Variants in FBLN1 observed in about 807,000 individuals in gnomAD.
FBLN1 encodes fibulin-1.
FBLN1 carries 34 observed loss-of-function variants against 89.7 expected under a neutral mutation model. That is an observed-to-expected ratio of 0.38 (90% confidence interval 0.29 to 0.50). FBLN1 has a LOEUF of 0.50. FBLN1 is among the 20% of genes least tolerant of loss of function. The probability of loss-of-function intolerance (pLI) is 0.92; values close to 1 mark genes in which losing one functional copy is unlikely to be tolerated. For synonymous variants in FBLN1, 393 were observed against 391.3 expected, an observed-to-expected ratio of 1.00 and a Z score of -0.05; for missense variants, 777 against 988.1, an observed-to-expected ratio of 0.79 and a Z score of 2.86.
Position 45,600,324 on chromosome 22 carries a change from CGGCCCATCGTG to C in FBLN1, c.1998_2008del (p.Val667SerfsTer30), listed in dbSNP as rs755261986. ...CTCCGCAGGTGTCGTGCGCCAGGTG[CGGCCCATCGTG>C]GGCCCATTTCATGCCGTCCTGAAGC... On this transcript the variant is annotated frameshift_variant, in exon 17 of 17. Transcript: ENST00000327858. LOFTEE classifies it high-confidence loss of function. 6.2e-6 allele frequency: 10 copies of C among 1,614,092 alleles called. No individual in the cohort carries two copies. Among genetic ancestry groups the C allele is most frequent in the African/African-American group, 4.0e-5 (3 of 74,940 alleles).
intron 16 of FBLN1, among the ~76,000 whole-genome samples, chr22:45,595,547 G>A (rs1471362471): frequency 1.1e-4 from 16 of 149,978 alleles, no homozygotes; most frequent in Non-Finnish European, 1.5e-5. Context: ...TCACCACGCA[G>A]CTGTTTACAA....
chr22:45,523,877 T>A (rs1569238644), intron 2 of FBLN1, among the ~76,000 whole-genome samples: 1 of 152,212 alleles, frequency 6.6e-6, no homozygotes, highest in Non-Finnish European at 1.5e-5. Context: ...CCACGGCAGC[T>A]GCACCCTTTT....
rs746955249 is a variant in FBLN1, at chr22:45,531,372, G to A, written c.544+48G>A. 3.2e-6 allele frequency: 5 copies of A among 1,555,964 alleles called. No individual in the cohort carries two copies. The South Asian group carries it at 5.6e-5, about 17-fold the overall frequency. ...CAGTTGGTATTTAAACAAACCCCAA[G>A]GGGCCAGCAAGGTGGCTCAGGCCTG... On this transcript the variant is annotated intron_variant, in intron 5 of 16. Transcript: ENST00000327858. The surrounding 1 kb of genome is among the most constrained non-coding windows in gnomAD (Gnocchi z 4.9).
chr22:45,589,529 C>T (rs1177879991), intron 16 of FBLN1, among the ~76,000 whole-genome samples: 12 of 152,248 alleles, frequency 7.9e-5, no homozygotes, highest in Admixed American at 7.8e-4. Context: ...GGCCTTGCTC[C>T]AGCCTGGGGG....
chr22:45,585,261 T>A (rs565902426), intron 16 of FBLN1, among the ~76,000 whole-genome samples: 5 of 152,288 alleles, frequency 3.3e-5, no homozygotes, highest in Non-Finnish European at 5.9e-5. Flanking sequence ...TACAAGGGCT[T>A]GTGAATGGAG....
intron 16 of FBLN1, among the ~76,000 whole-genome samples, chr22:45,591,169 C>G (rs1263013485): frequency 2.0e-5 from 3 of 152,192 alleles, no homozygotes; most frequent in Non-Finnish European, 4.4e-5. Flanking sequence ...GGTCTGGGCT[C>G]CAGTTCTGGT....
chr22:45,592,993 A>T (rs894383726), intron 16 of FBLN1, among the ~76,000 whole-genome samples: 1 of 152,120 alleles, frequency 6.6e-6, no homozygotes, highest in African/African-American at 2.4e-5. Context: ...TGTCAGCTAG[A>T]ATCACAAGCC....
chr22:45,585,832 G>A (rs1234504029), intron 16 of FBLN1, among the ~76,000 whole-genome samples: 1 of 152,134 alleles, frequency 6.6e-6, no homozygotes, highest in African/African-American at 2.4e-5. Context: ...GGCAGAGATG[G>A]GCTCTGAGGC....
rs1413351476 is a variant in FBLN1 at position 45,581,652 on chromosome 22, G to GT, written c.1972+4550dup. On this transcript the variant is annotated intron_variant, in intron 16 of 16. Coordinates refer to ENST00000327858, the MANE Select transcript of FBLN1 (RefSeq NM_006486.3). This position sits in a 1 kb window ranked among gnomAD's most constrained non-coding sequence, Gnocchi z 7.6. ...AGGGAGCTACGGAGTTGTCTTTGTA[G>GT]TTTTTTGCAGGCCAGCCCCTCCTGT... Among the ~76,000 whole-genome samples, 1 of 151,896 alleles carries GT rather than the reference G, an allele frequency of 6.6e-6. No homozygotes were observed. Among genetic ancestry groups the GT allele is most frequent in the East Asian group, 2.0e-4 (1 of 5,128 alleles).
Position 45,600,728 on chromosome 22 carries a change from G to A in FBLN1, c.*282G>A. The A allele has an allele frequency of 8.3e-6, 4 of 480,052 alleles. No homozygotes were observed. The South Asian group carries it at 8.5e-5, about 10-fold the overall frequency. 29.7% of individuals were successfully genotyped at this position (480,052 alleles called of 1,614,324 possible). A position where few individuals can be genotyped will look rare whatever the true frequency, so the allele number is the denominator to read the frequency against. ...CTTTCTCTGCCTCTGGCTGGGCCTT[G>A]CTAAGGGCCAAGGAAAGAAAGACAT... On this transcript the variant is annotated 3_prime_UTR_variant, in exon 17 of 17. Transcript: ENST00000327858.
At chr22:45,586,818 GC>G (rs978749514) in intron 16 of FBLN1, among the ~76,000 whole-genome samples, 1 of 152,124 alleles carries the variant, frequency 6.6e-6, no homozygotes, top group Non-Finnish European at 1.5e-5. Context: ...CCTGGAGTCA[GC>G]CCGAGGGCCC....
At chr22:45,554,514 C>T (rs758277374) in intron 14 of FBLN1, among the ~76,000 whole-genome samples, 1 of 152,372 alleles carries the variant, frequency 6.6e-6, no homozygotes, top group South Asian at 2.1e-4. Flanking sequence ...GGAATGATCA[C>T]TAGCCAAGTA....
At chr22:45,567,160 C>T (rs756190380) in intron 14 of FBLN1, among the ~76,000 whole-genome samples, 6 of 152,194 alleles carry the variant, frequency 3.9e-5, no homozygotes, top group Admixed American at 6.5e-5. Flanking sequence ...GCAGCAAATA[C>T]GGGGGAGAGG....
At chr22:45,503,092 A>C (rs925789593) in intron 1 of FBLN1, 28 bp downstream of exon 1, 2 of 1,212,640 alleles carry the variant, frequency 1.6e-6, no homozygotes, top group East Asian at 3.4e-5. Flanking sequence ...CCGCCGCCCC[A>C]GCTTAGGGTC....
rs1177486820 is a variant in FBLN1, at chr22:45,574,907, G to A, written c.1840+254G>A. 1.1e-4 allele frequency among the ~76,000 whole-genome samples: 17 copies of A among 148,872 alleles called. No individual in the cohort carries two copies. Among genetic ancestry groups the A allele is most frequent in the Non-Finnish European group, 1.8e-4 (12 of 67,652 alleles). On this transcript the variant is annotated intron_variant, in intron 15 of 16. Coordinates refer to ENST00000327858, the MANE Select transcript of FBLN1 (RefSeq NM_006486.3). This position sits in a 1 kb window ranked among gnomAD's most constrained non-coding sequence, Gnocchi z 4.1. ...CGCCATTCTCCTGCCTCAGCCTTCC[G>A]AGTAGCTGGGACTACAGGCGCCCGC...
intron 7 of FBLN1, 31 bp from the exon 8 acceptor site, chr22:45,535,169 C>G (rs892485260): frequency 6.2e-7 from 1 of 1,613,686 alleles, no homozygotes; most frequent in East Asian, 2.2e-5. Flanking sequence ...AGGACTCTTG[C>G]TAACAATTTC....
intron 1 of FBLN1, chr22:45,517,787 A>T: frequency 8.0e-6 from 3 of 376,600 alleles, no homozygotes; most frequent in South Asian, 6.1e-5. Flanking sequence ...CTTTGCTCCC[A>T]AGATTAAAGG....
Position 45,531,136 on chromosome 22 carries a change from G to A in FBLN1, c.485-129G>A. The stretch of plus-strand genomic sequence containing the variant: ...TTAAAGAGGATAAAGTTAATACTTA[G>A]CTGTTTATATAAGATGTTCAAATGG... On this transcript the variant is annotated intron_variant, in intron 4 of 16. Transcript: ENST00000327858. This position sits in a 1 kb window ranked among gnomAD's most constrained non-coding sequence, Gnocchi z 4.9. The A allele has an allele frequency of 5.2e-6, 4 of 772,074 alleles. No homozygotes were observed. Among genetic ancestry groups the A allele is most frequent in the Non-Finnish European group, 9.3e-6 (4 of 427,972 alleles). 47.8% of individuals were successfully genotyped at this position (772,074 alleles called of 1,614,324 possible).
intron 14 of FBLN1, among the ~76,000 whole-genome samples, chr22:45,552,210 T>C (rs2088712323): frequency 6.6e-6 from 1 of 152,146 alleles, no homozygotes; most frequent in Non-Finnish European, 1.5e-5. Flanking sequence ...GGACCCCACC[T>C]GGCTGGGCGT....
Sources: allele counts gnomAD v4.1 joint callset (sites outside exome capture counted in the v4.1 genomes callset), GRCh38; gene constraint gnomAD v4.1.1; non-coding constraint Gnocchi (gnomAD v3.1); transcripts MANE v1.5; gene names NCBI Gene and HGNC (gene_info 2026-07-23, HGNC 2026-07-21).